Variants in MAPK8IP2 observed in about 807,000 individuals in gnomAD.
The protein encoded by MAPK8IP2 is C-Jun-amino-terminal kinase-interacting protein 2.
A neutral mutation model predicts 75.6 loss-of-function variants in MAPK8IP2; 15 were observed. That is an observed-to-expected ratio of 0.20 (90% confidence interval 0.13 to 0.31). The LOEUF (loss-of-function observed/expected upper bound fraction) is 0.31, where lower values mean the gene tolerates loss of function less well. MAPK8IP2 is among the 10% of genes least tolerant of loss of function. The pLI is 1.00. For synonymous variants in MAPK8IP2, 632 were observed against 554.5 expected (o/e 1.14, Z -1.96); for missense variants, 1,089 against 1,211.2 (o/e 0.90, Z 1.50).
intron 5 of MAPK8IP2, 69 bp downstream of exon 5, chr22:50,605,133 G>T (rs1025333587): frequency 6.3e-7 from 1 of 1,574,862 alleles, no homozygotes; most frequent in African/African-American, 1.3e-5. Flanking sequence ...CCAGTCCCAG[G>T]GTCCCCCACA....
intron 8 of MAPK8IP2, among the ~76,000 whole-genome samples, chr22:50,606,300 T>C (rs2071047584): frequency 6.6e-6 from 1 of 152,210 alleles, no homozygotes; most frequent in Admixed American, 6.5e-5. Flanking sequence ...GGACGTTTAG[T>C]GAGCACCTGC....
At position 50,601,863 on chromosome 22, in the gene MAPK8IP2, G is replaced by A. The variant is rs748948126; in HGVS notation, c.140G>A (p.Gly47Asp). Residue 47 changes from glycine (G) to aspartate (D), a missense_variant, in exon 2 of 12, where the codon GGC becomes GAC. Coordinates refer to ENST00000329492, the MANE Select transcript of MAPK8IP2 (RefSeq NM_012324.6). ...GAGATCACTGATGACTGTGGCCTGGGCCTCAGCTACGACTCAGACCACTGT... is the reference window on the plus strand; with the variant it reads ...GAGATCACTGATGACTGTGGCCTGGACCTCAGCTACGACTCAGACCACTGT... Reference protein sequence around the residue: ...LSEITDDCGLGLSYDSDHCEK... With the variant: ...LSEITDDCGLDLSYDSDHCEK... 1.9e-6 allele frequency: 3 copies of A among 1,613,918 alleles called. No individual in the cohort carries two copies. Among genetic ancestry groups the A allele is most frequent in the Non-Finnish European group, 2.5e-6 (3 of 1,179,826 alleles).
At chr22:50,603,578 C>T in intron 3 of MAPK8IP2, 48 bp from the exon 4 acceptor site, 1 of 1,581,594 alleles carries the variant, frequency 6.3e-7, no homozygotes, top group Non-Finnish European at 8.6e-7. Context: ...TGCTCACCCC[C>T]TGGGAGCTGG....
Position 50,610,369 on chromosome 22 carries a change from C to T in MAPK8IP2, c.2402+59C>T, listed in dbSNP as rs1429390880. 28 of 1,429,254 alleles carry T rather than the reference C, an allele frequency of 2.0e-5. No individual in the cohort carries two copies. The highest frequency in any genetic ancestry group is 4.9e-5 in the East Asian group (2 of 40,646). 88.5% of individuals were successfully genotyped at this position (1,429,254 alleles called of 1,614,324 possible). On this transcript the variant is annotated intron_variant, in intron 11 of 11. Coordinates refer to ENST00000329492, the MANE Select transcript of MAPK8IP2 (RefSeq NM_012324.6). The surrounding 1 kb of genome is among the most constrained non-coding windows in gnomAD (Gnocchi z 4.3). Reference sequence around the variant, plus strand: ...GGTGCAGGGTTACGGAGGTGGGGAGCGGAGGTGAGCAGGTGGGGGCAGGAG... The same window carrying T: ...GGTGCAGGGTTACGGAGGTGGGGAGTGGAGGTGAGCAGGTGGGGGCAGGAG...
In MAPK8IP2 at chr22:50,603,353, A is replaced by T; in HGVS notation, c.302A>T (p.Glu101Val). 6.4e-7 allele frequency: 1 copy of T among 1,554,798 alleles called. No individual in the cohort carries two copies. Among genetic ancestry groups the T allele is most frequent in the Non-Finnish European group, 8.7e-7 (1 of 1,152,374 alleles). The stretch of plus-strand genomic sequence containing the variant: ...GAGGACGAGGAAGAGGAGGAGGAGG[A>T]GGAGGAGGGAGATGGGGAAGGCCAG... ...DDEDEEEEEE[E>V]EEGDGEGQEG... Residue 101 changes from glutamate to valine, a missense_variant, in exon 3 of 12, where the codon GAG (glutamate) becomes GTG (valine). Coordinates refer to ENST00000329492, the MANE Select transcript of MAPK8IP2 (RefSeq NM_012324.6).
Position 50,607,089 on chromosome 22 carries a change from G to A in MAPK8IP2, c.2303+98G>A. On this transcript the variant is annotated intron_variant, in intron 10 of 11. Coordinates refer to ENST00000329492, the MANE Select transcript of MAPK8IP2 (RefSeq NM_012324.6). This position sits in a 1 kb window ranked among gnomAD's most constrained non-coding sequence, Gnocchi z 5.6. Reference sequence around the variant, plus strand: ...CCCACAGACCCTGAGGGCTGCCCGTGCCCAGCCCTGAGAGCTCCACCTGCA... The same window carrying A: ...CCCACAGACCCTGAGGGCTGCCCGTACCCAGCCCTGAGAGCTCCACCTGCA... The A allele has an allele frequency of 1.0e-6, 1 of 960,384 alleles. No homozygotes were observed. The allele number at this position is 960,384 out of a possible 1,614,324, so 59.5% of individuals were successfully genotyped here. A position where few individuals can be genotyped will look rare whatever the true frequency, so the allele number is the denominator to read the frequency against.
chr22:50,606,500 G>T (rs1426562426), intron 8 of MAPK8IP2, among the ~76,000 whole-genome samples, 158 bp from the exon 9 acceptor site: 1 of 152,230 alleles, frequency 6.6e-6, no homozygotes, highest in Non-Finnish European at 1.5e-5. Context: ...AGTGGCCAAG[G>T]CCACACCCCT....
chr22:50,604,255 T>A lies in MAPK8IP2; in HGVS notation c.956T>A (p.Phe319Tyr). Residue 319 changes from phenylalanine (F) to tyrosine (Y), a missense_variant, in exon 5 of 12, where the codon TTC becomes TAC. This residue lies in a region of MAPK8IP2 where 960 missense variants were observed against 1,009.6 expected (regional missense o/e 0.95). Transcript: ENST00000329492. ...CGCGAACCCCCGCGCCGCCCCGCCT[T>A]CCTGCCCGTGGGCCCCGACGACACC... ...PPREPPRRPA[F>Y]LPVGPDDTNS... 1 of 1,566,248 alleles carries A rather than the reference T, an allele frequency of 6.4e-7. No individual in the cohort carries two copies. The highest frequency in any genetic ancestry group is 8.6e-7 in the Non-Finnish European group (1 of 1,164,532).
chr22:50,609,751 G>T (rs1241871092), intron 10 of MAPK8IP2: 1 of 516,290 alleles, frequency 1.9e-6, no homozygotes, highest in Non-Finnish European at 3.9e-6. Flanking sequence ...GTGGGAGCGA[G>T]GGGTAGACCG....
chr22:50,601,413 C>T, intron 1 of MAPK8IP2: 1 of 229,650 alleles, frequency 4.4e-6, no homozygotes, highest in Non-Finnish European at 9.0e-6. Context: ...AGACTCTCTT[C>T]CCAGAGCAGG....
chr22:50,603,284 T>C lies in MAPK8IP2; in HGVS notation c.233T>C (p.Phe78Ser). 1 of 1,586,580 alleles carries C rather than the reference T, an allele frequency of 6.3e-7. No individual in the cohort carries two copies. Among genetic ancestry groups the C allele is most frequent in the South Asian group, 1.1e-5 (1 of 88,028 alleles). ...PHPICSFQDD[F>S]QEFEMIDDNE... is the part of the protein sequence containing the mutation. ...CCCATCTGCTCCTTCCAGGATGACT[T>C]CCAGGAGTTTGAGATGATCGATGAC... The change falls in exon 3 of 12, where the codon TTC becomes TCC. Residue 78 changes from phenylalanine (F) to serine (S), a missense_variant. This residue lies in a region of MAPK8IP2 where 960 missense variants were observed against 1,009.6 expected (regional missense o/e 0.95). Transcript: ENST00000329492.
In MAPK8IP2 at chr22:50,603,956, G is replaced by T. The variant is rs562275725; in HGVS notation, c.657G>T (p.Gly219=). ...CTGCGGAACCCCCTGCGCCAGGGGG[G>T]ACTTCGCCCTCCTCAGATCCCGGCA... ...NRPAEPPAPG[G]TSPSSDPGIE... Residue 219 remains glycine, a synonymous_variant, in exon 5 of 12, where the codon GGG becomes GGT. Transcript: ENST00000329492. The T allele has an allele frequency of 9.0e-6, 14 of 1,549,568 alleles. No homozygotes were observed. The Admixed American group carries it at 1.2e-4, about 13-fold the overall frequency.
chr22:50,604,796 G>A lies in MAPK8IP2; in HGVS notation c.1497G>A (p.Pro499=), dbSNP rs373826678. ...PGGRGTGPSA[P]RDASLVYDAV... is the part of the protein sequence containing the mutation. ...GCAGGGGCACGGGCCCCTCGGCGCCGCGGGACGCGTCGCTGGTGTACGACG... is the reference window on the plus strand; with the variant it reads ...GCAGGGGCACGGGCCCCTCGGCGCCACGGGACGCGTCGCTGGTGTACGACG... Residue 499 remains proline, a synonymous_variant, in exon 5 of 12, where the codon CCG becomes CCA. Transcript: ENST00000329492. 3 of 1,548,458 alleles carry A rather than the reference G, an allele frequency of 1.9e-6. No individual in the cohort carries two copies. Among genetic ancestry groups the A allele is most frequent in the East Asian group, 2.4e-5 (1 of 41,014 alleles).
Position 50,604,973 on chromosome 22 carries a change from G to A in MAPK8IP2, c.1674G>A (p.Gln558=), listed in dbSNP as rs547890745. The change falls in exon 5 of 12, where the codon CAG becomes CAA. Residue 558 remains glutamine (Q), a synonymous_variant. Coordinates refer to ENST00000329492, the MANE Select transcript of MAPK8IP2 (RefSeq NM_012324.6). Reference sequence around the variant, plus strand: ...GCGCGGCGCTGCTAGGCGGCGGTCAGGTCTCGGGGGACACCTCGCCGGACA... The same window carrying A: ...GCGCGGCGCTGCTAGGCGGCGGTCAAGTCTCGGGGGACACCTCGCCGGACA... ...EAGAALLGGG[Q]VSGDTSPDSP... is the part of the protein sequence containing the mutation. The A allele has an allele frequency of 1.2e-5, 19 of 1,612,372 alleles. No homozygotes were observed. The South Asian group carries it at 1.8e-4, about 15-fold the overall frequency.
rs1230923773 is a variant in MAPK8IP2 at position 50,603,669 on chromosome 22, C to T, written c.491C>T (p.Ala164Val). Residue 164 changes from alanine (A) to valine (V), a missense_variant, in exon 4 of 12, where the codon GCC (alanine) becomes GTC (valine). Physicochemically the swap from Ala to Val is moderately conservative, Grantham distance 64. This residue lies in a region of MAPK8IP2 where 960 missense variants were observed against 1,009.6 expected (regional missense o/e 0.95). Transcript: ENST00000329492. ...NNGGFDLVRP[A>V]SWQETALCSP... The stretch of plus-strand genomic sequence containing the variant: ...GGAGGCTTTGACCTGGTGCGTCCGG[C>T]CTCCTGGCAGGAGACAGCGCTATGC... The T allele has an allele frequency of 1.9e-6, 3 of 1,591,394 alleles. No homozygotes were observed. Among genetic ancestry groups the T allele is most frequent in the Non-Finnish European group, 8.6e-7 (1 of 1,169,354 alleles).
At position 50,604,922 on chromosome 22, in the gene MAPK8IP2, C is replaced by T. The variant is rs373454951; in HGVS notation, c.1623C>T (p.Gly541=). The T allele has an allele frequency of 1.4e-5, 22 of 1,605,780 alleles. 1 individual carries two copies. The highest frequency in any genetic ancestry group is 1.3e-4 in the East Asian group (6 of 44,686). Residue 541 remains glycine (G), a synonymous_variant, in exon 5 of 12, where the codon GGC becomes GGT. Coordinates refer to ENST00000329492, the MANE Select transcript of MAPK8IP2 (RefSeq NM_012324.6). ...GCCACGACAGCGAAGAGGACAGCGG[C>T]GGGGAGGCCAGCGAGGAGGAGGCGG... The part of the protein sequence containing the change: ...GLGHDSEEDS[G]GEASEEEAGA...
rs751053485 is a variant in MAPK8IP2 at position 50,604,942 on chromosome 22, A to C, written c.1643A>C (p.Glu548Ala). 3 of 1,609,586 alleles carry C rather than the reference A, an allele frequency of 1.9e-6. No individual in the cohort carries two copies. The highest frequency in any genetic ancestry group is 2.2e-5 in the South Asian group (2 of 90,858). ...AGCGGCGGGGAGGCCAGCGAGGAGG[A>C]GGCGGGCGCGGCGCTGCTAGGCGGC... Reference protein sequence around the residue: ...EDSGGEASEEEAGAALLGGGQ... With the variant: ...EDSGGEASEEAAGAALLGGGQ... The change falls in exon 5 of 12, where the codon GAG (glutamate) becomes GCG (alanine). Residue 548 changes from glutamate (E) to alanine (A), a missense_variant. Physicochemically the swap from Glu to Ala is moderately radical, Grantham distance 107. Around this residue, in one of 2 missense-constraint regions of MAPK8IP2, gnomAD observed 960 missense variants for 1,009.6 expected, o/e 0.95. Transcript: ENST00000329492.
rs1229052141 is a variant in MAPK8IP2 at position 50,610,885 on chromosome 22, T to G, written c.*106T>G. ...TGGCAAGGACTGGATTGGGGGGACATGGGACCTTACGCTTGTGGGGGTCTG... is the reference window on the plus strand; with the variant it reads ...TGGCAAGGACTGGATTGGGGGGACAGGGGACCTTACGCTTGTGGGGGTCTG... On this transcript the variant is annotated 3_prime_UTR_variant, in exon 12 of 12. Transcript: ENST00000329492. This position sits in a 1 kb window ranked among gnomAD's most constrained non-coding sequence, Gnocchi z 4.3. 1 of 995,730 alleles carries G rather than the reference T, an allele frequency of 1.0e-6. No individual in the cohort carries two copies. Among genetic ancestry groups the G allele is most frequent in the African/African-American group, 1.6e-5 (1 of 61,706 alleles). 61.7% of individuals were successfully genotyped at this position (995,730 alleles called of 1,614,324 possible). A position where few individuals can be genotyped will look rare whatever the true frequency, so the allele number is the denominator to read the frequency against.
At position 50,601,772 on chromosome 22, in the gene MAPK8IP2, C is replaced by A; in HGVS notation, c.66-17C>A. ...AGTCCAGGGTTGGTGGCTCTCTGAC[C>A]CTGGTCTCCTTTCCAGGCCTCCCCA... On this transcript the variant is annotated splice_polypyrimidine_tract_variant and intron_variant, in intron 1 of 11. Coordinates refer to ENST00000329492, the MANE Select transcript of MAPK8IP2 (RefSeq NM_012324.6). 1.2e-6 allele frequency: 2 copies of A among 1,607,420 alleles called. No homozygotes were observed. Among genetic ancestry groups the A allele is most frequent in the South Asian group, 1.1e-5 (1 of 90,854 alleles).
Sources: gnomAD v4.1 joint callset for allele counts (sites outside exome capture counted in the v4.1 genomes callset) on GRCh38, gnomAD v4.1.1 for gene constraint, gnomAD v4.1.1 regional missense constraint, Gnocchi (gnomAD v3.1) non-coding constraint, MANE v1.5 for transcripts, NCBI Gene and HGNC (gene_info 2026-07-23, HGNC 2026-07-21) for gene names.